The following CAVIN1 variants were observed in gnomAD, a reference collection of about 807,000 sequenced individuals.
CAVIN1 encodes caveolae-associated protein 1.
In CAVIN1, 16 loss-of-function variants were observed where a neutral mutation model predicts 24.0. The ratio of observed to expected loss-of-function variants is 0.67; its 90% CI spans 0.45 to 1.01. The LOEUF is 1.01. CAVIN1 is among the 50% of genes least tolerant of loss of function. The pLI is 0.00. For missense variants in CAVIN1, 510 were observed against 551.7 expected (o/e 0.92, Z 0.76); for synonymous variants, 256 against 256.4 (o/e 1.00, Z 0.02).
chr17:42,412,391 T>A, intron 1 of CAVIN1: 2 of 317,972 alleles, frequency 6.3e-6, no homozygotes, highest in Non-Finnish European at 8.2e-6. Flanking sequence ...ATAAACCACT[T>A]TTTTTTTTTT....
intron 1 of CAVIN1, among the ~76,000 whole-genome samples, chr17:42,419,234 G>A (rs769904235): frequency 6.6e-6 from 1 of 152,042 alleles, no homozygotes; most frequent in Non-Finnish European, 1.5e-5. Flanking sequence ...ACAAATTGTT[G>A]CCTGGAAGAA....
intron 1 of CAVIN1, among the ~76,000 whole-genome samples, chr17:42,410,463 T>G (rs2085468827): frequency 6.6e-6 from 1 of 152,034 alleles, no homozygotes; most frequent in African/African-American, 2.4e-5. Context: ...GGGGTGAAAT[T>G]GCATCCAAAA....
At chr17:42,420,303 T>C (rs2085537713) in intron 1 of CAVIN1, among the ~76,000 whole-genome samples, 1 of 152,210 alleles carries the variant, frequency 6.6e-6, no homozygotes. Context: ...GGCACAGAGC[T>C]ATTTTTACCT....
chr17:42,419,967 G>T (rs1007614924), intron 1 of CAVIN1, among the ~76,000 whole-genome samples: 1 of 151,602 alleles, frequency 6.6e-6, no homozygotes, highest in Non-Finnish European at 1.5e-5. Context: ...GAAGTTCCCT[G>T]AATTTGGGGT....
At chr17:42,411,808 C>T (rs1598574817) in intron 1 of CAVIN1, 1 of 985,388 alleles carries the variant, frequency 1.0e-6, no homozygotes. Context: ...GCATTTACTA[C>T]TAAAAACAGA....
rs749794136 is a variant in CAVIN1 at position 42,423,015 on chromosome 17, C to G, written c.83G>C (p.Gly28Ala). ...DAEAPEPSSA[G>A]AQAAEEPSGA... ...CGACGGCTCCTCCGCTGCCTGAGCC[C>G]CAGCGGAGGAAGGCTCCGGGGCCTC... Residue 28 changes from glycine (G) to alanine (A), a missense_variant, in exon 1 of 2, where the codon GGG becomes GCG. By Grantham distance (60) the Gly-to-Ala change is moderately conservative. Coordinates refer to ENST00000357037, the MANE Select transcript of CAVIN1 (RefSeq NM_012232.6). 1 of 1,612,606 alleles carries G rather than the reference C, an allele frequency of 6.2e-7. No homozygotes were observed. The highest frequency in any genetic ancestry group is 8.5e-7 in the Non-Finnish European group (1 of 1,179,712).
At chr17:42,411,192 C>CAAAAAAAAAAAAAAAAAAAAAAAAAA (rs71157624) in intron 1 of CAVIN1, among the ~76,000 whole-genome samples, 7 of 46,664 alleles carry the variant, frequency 1.5e-4, no homozygotes, top group African/African-American at 4.5e-4. Flanking sequence ...GACTATGTCT[C>CAAAAAAAAAAAAAAAAAAAAAAAAAA]AAAAAAAAAA....
intron 1 of CAVIN1, among the ~76,000 whole-genome samples, chr17:42,415,065 A>G (rs945735986): frequency 2.6e-5 from 4 of 151,872 alleles, no homozygotes; most frequent in African/African-American, 7.3e-5. Flanking sequence ...ATGGCCACCA[A>G]TGCTGGCCAC....
chr17:42,419,360 C>A (rs1455878388), intron 1 of CAVIN1, among the ~76,000 whole-genome samples: 2 of 151,946 alleles, frequency 1.3e-5, no homozygotes, highest in South Asian at 2.1e-4. Context: ...GTCGCCCAGG[C>A]TGGAGTGCAA....
rs1555586064 is a variant in CAVIN1, at chr17:42,405,693, T to TTTG, written c.472-306_472-305insCAA. 0.42 allele frequency among the ~76,000 whole-genome samples: 25,359 copies of TTTG among 60,508 alleles called. 3,071 individuals are homozygous for TTTG. Among genetic ancestry groups the TTTG allele is most frequent in the East Asian group, 0.61 (1,757 of 2,864 alleles). 39.7% of individuals were successfully genotyped at this position (60,508 alleles called of 152,430 possible). A position where few individuals can be genotyped will look rare whatever the true frequency, so the allele number is the denominator to read the frequency against. Reference sequence around the variant, plus strand: ...CTCTCTCTCTCCTTGTTTTTTTTTTTTTTTTTTTTTTTAAACGGAGTCTCG... The same window carrying TTTG: ...CTCTCTCTCTCCTTGTTTTTTTTTTTTTGTTTTTTTTTTTTAAACGGAGTCTCG... On this transcript the variant is annotated intron_variant, in intron 1 of 1. Coordinates refer to ENST00000357037, the MANE Select transcript of CAVIN1 (RefSeq NM_012232.6).
chr17:42,405,993 C>T (rs542143113), intron 1 of CAVIN1, among the ~76,000 whole-genome samples: 1 of 152,248 alleles, frequency 6.6e-6, no homozygotes, highest in African/African-American at 2.4e-5. Flanking sequence ...GGCCTCGCGC[C>T]GCCATTCTCT....
At chr17:42,417,046 A>G (rs1033422886) in intron 1 of CAVIN1, among the ~76,000 whole-genome samples, 2 of 152,096 alleles carry the variant, frequency 1.3e-5, no homozygotes, top group African/African-American at 4.8e-5. Flanking sequence ...CTGCTGGTCC[A>G]TATGTAGGTC....
chr17:42,416,098 T>C (rs151200723), intron 1 of CAVIN1, among the ~76,000 whole-genome samples: 417 of 152,326 alleles, frequency 2.7e-3, no homozygotes, highest in Non-Finnish European at 4.5e-3. Context: ...CTGAGCACAG[T>C]GGCTCCCACC....
chr17:42,413,453 G>A (rs1053744937), intron 1 of CAVIN1, among the ~76,000 whole-genome samples: 1 of 151,278 alleles, frequency 6.6e-6, no homozygotes, highest in African/African-American at 2.4e-5. Context: ...CAGCTACTCG[G>A]GAGGCTGAGG....
chr17:42,414,261 G>A (rs562398952), intron 1 of CAVIN1, among the ~76,000 whole-genome samples: 1 of 152,182 alleles, frequency 6.6e-6, no homozygotes, highest in East Asian at 1.9e-4. Context: ...CAAATGAGGA[G>A]AGGGATAGGC....
intron 1 of CAVIN1, among the ~76,000 whole-genome samples, chr17:42,408,540 G>A (rs1381344626): frequency 6.6e-6 from 1 of 152,088 alleles, no homozygotes; most frequent in Non-Finnish European, 1.5e-5. Flanking sequence ...TCCCCAGGCT[G>A]GAGTGCAATG....
intron 1 of CAVIN1, among the ~76,000 whole-genome samples, chr17:42,416,394 GAAAAGA>G (rs1419806854): frequency 9.5e-4 from 143 of 151,150 alleles, no homozygotes; most frequent in African/African-American, 3.2e-3. Context: ...GAGAGAGAGA[GAAAAGA>G]AGAAAAGAAG....
At chr17:42,408,560 C>T (rs766165331) in intron 1 of CAVIN1, among the ~76,000 whole-genome samples, 2 of 152,096 alleles carry the variant, frequency 1.3e-5, no homozygotes, top group African/African-American at 4.8e-5. Context: ...GACACGATCT[C>T]GGCTCACCGC....
chr17:42,413,565 G>GA (rs2085493446), intron 1 of CAVIN1, among the ~76,000 whole-genome samples: 3 of 62,608 alleles, frequency 4.8e-5, no homozygotes, highest in African/African-American at 1.7e-4. Context: ...TCTCAAAAAG[G>GA]GAAAAAAAAA....
Sources: gnomAD v4.1 joint callset for allele counts (sites outside exome capture counted in the v4.1 genomes callset) on GRCh38, gnomAD v4.1.1 for gene constraint, MANE v1.5 for transcripts, NCBI Gene and HGNC (gene_info 2026-07-23, HGNC 2026-07-21) for gene names.